The following PRUNE2 variants were observed in gnomAD, a reference collection of about 807,000 sequenced individuals.
PRUNE2 encodes the protein prune homolog 2 with BCH domain, also known as protein prune homolog 2.
PRUNE2 carries 164 observed loss-of-function variants against 252.0 expected under a neutral mutation model. That is an observed-to-expected ratio of 0.65 (90% CI 0.57 to 0.74). The LOEUF is 0.74. Among genes scored for constraint, PRUNE2 ranks in the 30% least tolerant of loss-of-function variants. PRUNE2 has a pLI of 0.00. For missense variants in PRUNE2, 3,495 were observed against 3,711.0 expected (o/e 0.94, Z 1.51); for synonymous variants, 1,292 against 1,350.2 (o/e 0.96, Z 0.94).
intron 9 of PRUNE2, among the ~76,000 whole-genome samples, chr9:76,696,954 T>C (rs2045449003): frequency 6.6e-6 from 1 of 152,246 alleles, no homozygotes; most frequent in Admixed American, 6.5e-5. Context: ...GCACTATTCC[T>C]TGTGAGTTCC....
intron 9 of PRUNE2, among the ~76,000 whole-genome samples, chr9:76,665,967 CATTA>C (rs1314658918): frequency 1.3e-5 from 2 of 152,116 alleles, no homozygotes; most frequent in African/African-American, 4.8e-5. Context: ...ATATGAATAT[CATTA>C]ATCATTAGTT....
At chr9:76,883,035 T>G (rs2133328773) in intron 1 of PRUNE2, among the ~76,000 whole-genome samples, 1 of 152,334 alleles carries the variant, frequency 6.6e-6, no homozygotes, top group African/African-American at 2.4e-5. Context: ...TTTTCTCAAC[T>G]AGGTGGTTGC....
In PRUNE2 at chr9:76,707,878, T is replaced by G. The variant is rs1264278149; in HGVS notation, c.4396A>C (p.Thr1466Pro). The change falls in exon 8 of 19, where the codon ACT becomes CCT. Residue 1466 changes from threonine to proline, a missense_variant. Physicochemically the swap from Thr to Pro is conservative, Grantham distance 38. Coordinates refer to ENST00000376718, the MANE Select transcript of PRUNE2 (RefSeq NM_015225.3). ...GGCTCTAGAAAGTTACATTCTTCAGTTTTCTCAAGATCCTTTTCAGGTACA... is the reference window on the plus strand; with the variant it reads ...GGCTCTAGAAAGTTACATTCTTCAGGTTTCTCAAGATCCTTTTCAGGTACA... ...VSVPEKDLEK[T>P]EECNFLEPEN... 6.2e-7 allele frequency: 1 copy of G among 1,613,778 alleles called. No homozygotes were observed. Among genetic ancestry groups the G allele is most frequent in the South Asian group, 1.1e-5 (1 of 91,050 alleles).
intron 1 of PRUNE2, among the ~76,000 whole-genome samples, chr9:76,870,276 C>T (rs1486031480): frequency 6.9e-6 from 1 of 144,988 alleles, no homozygotes; most frequent in Non-Finnish European, 1.5e-5. Flanking sequence ...GACTCCCTAA[C>T]TTTTTTTTTT....
chr9:76,738,540 G>A (rs566710014), intron 6 of PRUNE2: 4 of 152,176 alleles, frequency 2.6e-5, no homozygotes, highest in East Asian at 3.9e-4. Context: ...ATTTATCTTC[G>A]GGCTGGTAAT....
At chr9:76,658,262 G>A (rs1588248415) in intron 9 of PRUNE2, among the ~76,000 whole-genome samples, 1 of 152,332 alleles carries the variant, frequency 6.6e-6, no homozygotes, top group East Asian at 1.9e-4. Flanking sequence ...GGAGGCTGAG[G>A]CAGGAGAATT....
chr9:76,688,367 C>T (rs2044331436), intron 9 of PRUNE2, among the ~76,000 whole-genome samples: 1 of 152,192 alleles, frequency 6.6e-6, no homozygotes, highest in Non-Finnish European at 1.5e-5. Flanking sequence ...CTGCCCAAGT[C>T]GGCTCTGTCT....
intron 11 of PRUNE2, among the ~76,000 whole-genome samples, chr9:76,648,697 AAAACG>A (rs1177786371): frequency 6.6e-6 from 1 of 152,182 alleles, no homozygotes; most frequent in African/African-American, 2.4e-5. Flanking sequence ...TTAAGGCAGA[AAAACG>A]ATTCTGTATG....
At chr9:76,898,111 G>A (rs150224731) in intron 1 of PRUNE2, among the ~76,000 whole-genome samples, 173 of 152,304 alleles carry the variant, frequency 1.1e-3, no homozygotes, top group African/African-American at 3.8e-3. Context: ...TAAAAGTGGC[G>A]GGGTTAGGAT....
rs1465694346 is a variant in PRUNE2 at position 76,706,206 on chromosome 9, G to A, written c.6068C>T (p.Ser2023Phe). 2 of 1,613,928 alleles carry A rather than the reference G, an allele frequency of 1.2e-6. No homozygotes were observed. The highest frequency in any genetic ancestry group is 1.1e-5 in the South Asian group (1 of 91,084). The change falls in exon 8 of 19, where the codon TCT becomes TTT. Residue 2023 changes from serine (S) to phenylalanine (F), a missense_variant. Ser to Phe is a radical substitution (Grantham distance 155). Coordinates refer to ENST00000376718, the MANE Select transcript of PRUNE2 (RefSeq NM_015225.3). Reference sequence around the variant, plus strand: ...TGGCTTCATTATCAGTTGGGTGGGAGAACTGACAGCAGGAAAATTTTCTGT... The same window carrying A: ...TGGCTTCATTATCAGTTGGGTGGGAAAACTGACAGCAGGAAAATTTTCTGT... ...IATENFPAVS[S>F]PTQLIMKPGS...
At chr9:76,788,420 A>G in intron 6 of PRUNE2, 1 of 761,180 alleles carries the variant, frequency 1.3e-6, no homozygotes, top group Non-Finnish European at 2.5e-6. Flanking sequence ...AAACTTCTTA[A>G]GGTGCACTGT....
rs543754253 is a variant in PRUNE2, at chr9:76,636,663, C to T, written c.8964-106G>A. ...AAGAATATATATAATTTAAGTCTGG[C>T]ATGGTAGCTCATGCCTATAATCCCA... is the stretch of plus-strand genomic sequence containing the variant. On this transcript the variant is annotated intron_variant, in intron 14 of 18. Transcript: ENST00000376718. 2.3e-5 allele frequency: 15 copies of T among 654,852 alleles called. No individual in the cohort carries two copies. In the East Asian group the frequency reaches 4.0e-4, roughly 18 times the overall value. 40.6% of individuals were successfully genotyped at this position (654,852 alleles called of 1,614,324 possible).
rs575249869 is a variant in PRUNE2, at chr9:76,706,553, G to T, written c.5721C>A (p.Leu1907=). 6.2e-7 allele frequency: 1 copy of T among 1,613,996 alleles called. No individual in the cohort carries two copies. The highest frequency in any genetic ancestry group is 2.2e-5 in the East Asian group (1 of 44,864). Residue 1907 remains leucine (L), a synonymous_variant, in exon 8 of 19, where the codon CTC becomes CTA. Transcript: ENST00000376718. ...EGNGKNSHEQ[L]WNIQPRQPDP... is the part of the protein sequence containing the mutation. The stretch of plus-strand genomic sequence containing the variant: ...CTGGCTGCCTTGGTTGAATGTTCCA[G>T]AGTTGCTCATGGGAGTTCTTCCCAT...
At position 76,708,104 on chromosome 9, in the gene PRUNE2, G is replaced by A; in HGVS notation, c.4170C>T (p.Phe1390=). The change falls in exon 8 of 19, where the codon TTC becomes TTT. Residue 1390 remains phenylalanine (F), a synonymous_variant. Transcript: ENST00000376718. ...SGKISSLAVT[F]SPQTEEPEEV... ...CCTCTGGTTCCTCGGTTTGAGGACT[G>A]AAAGTGACAGCAAGAGAGCTGATTT... The A allele has an allele frequency of 6.2e-7, 1 of 1,613,960 alleles. No homozygotes were observed. The highest frequency in any genetic ancestry group is 8.5e-7 in the Non-Finnish European group (1 of 1,179,876).
rs369808911 is a variant in PRUNE2 at position 76,845,626 on chromosome 9, T to C, written c.508+889A>G. Among the ~76,000 whole-genome samples, 237 of 152,352 alleles carry C rather than the reference T, an allele frequency of 1.6e-3. 1 individual carries two copies. The highest frequency in any genetic ancestry group is 5.4e-3 in the African/African-American group (223 of 41,584). The stretch of plus-strand genomic sequence containing the variant: ...CCAAACTGTGGAAGAGACAGAGGAA[T>C]TGAAGGACAGAGTCCTTAAAAGAGT... On this transcript the variant is annotated intron_variant, in intron 4 of 18. Transcript: ENST00000376718.
chr9:76,653,184 T>A (rs1240567925), intron 10 of PRUNE2, among the ~76,000 whole-genome samples: 1 of 152,154 alleles, frequency 6.6e-6, no homozygotes, highest in Non-Finnish European at 1.5e-5. Context: ...CTGTTCAAGT[T>A]TGAAAACTTG....
intron 9 of PRUNE2, among the ~76,000 whole-genome samples, chr9:76,661,297 C>T (rs1454140324): frequency 6.6e-6 from 1 of 152,170 alleles, no homozygotes; most frequent in Non-Finnish European, 1.5e-5. Context: ...GGCTGGAGTA[C>T]AGTGGTGCAA....
intron 16 of PRUNE2, among the ~76,000 whole-genome samples, chr9:76,627,014 A>G (rs1327793585): frequency 6.6e-6 from 1 of 152,128 alleles, no homozygotes; most frequent in East Asian, 1.9e-4. Context: ...TTTACTTGGA[A>G]AGTGGTCAAT....
Position 76,706,621 on chromosome 9 carries a change from T to C in PRUNE2, c.5653A>G (p.Asn1885Asp). The C allele has an allele frequency of 1.2e-6, 2 of 1,613,970 alleles. No homozygotes were observed. Among genetic ancestry groups the C allele is most frequent in the Non-Finnish European group, 1.7e-6 (2 of 1,179,878 alleles). Residue 1885 changes from asparagine to aspartate, a missense_variant, in exon 8 of 19, where the codon AAT (asparagine) becomes GAT (aspartate). Coordinates refer to ENST00000376718, the MANE Select transcript of PRUNE2 (RefSeq NM_015225.3). ...GACTGATGGTTGTCACTAAAAGGAT[T>C]AGTATAGTGTGTTTCCACGGGCTCA... ...DIEPVETHYT[N>D]PFSDNHQSPF...
Sources: gnomAD v4.1 joint callset for allele counts (sites outside exome capture counted in the v4.1 genomes callset) on GRCh38, gnomAD v4.1.1 for gene constraint, MANE v1.5 for transcripts, NCBI Gene and HGNC (gene_info 2026-07-23, HGNC 2026-07-21) for gene names.